Variants in PCDHGA4 observed in about 807,000 individuals in gnomAD.
The protein encoded by PCDHGA4 is protocadherin gamma-A4.
A neutral mutation model predicts 54.6 loss-of-function variants in PCDHGA4; 38 were observed. The observed-to-expected ratio is 0.70, with a 90% CI of 0.54 to 0.91. The LOEUF (loss-of-function observed/expected upper bound fraction) is 0.91, where lower values mean the gene tolerates loss of function less well. Ranked by LOEUF, PCDHGA4 falls within the 40% of genes least tolerant of loss-of-function variation. The pLI is 0.00. For synonymous variants in PCDHGA4, 511 were observed against 512.9 expected (o/e 1.00, Z 0.05); for missense variants, 1,298 against 1,220.9 (o/e 1.06, Z -0.94).
Position 141,356,286 on chromosome 5 carries a change from G to C in PCDHGA4, c.1179G>C (p.Pro393=). 6.4e-7 allele frequency: 1 copy of C among 1,556,442 alleles called. No homozygotes were observed. The highest frequency in any genetic ancestry group is 8.7e-7 in the Non-Finnish European group (1 of 1,149,558). The change falls in exon 1 of 4, where the codon CCG becomes CCC. Residue 393 remains proline, a synonymous_variant. Transcript: ENST00000571252. ...LTSSVQESSS[P]GTVIALFNVH... ...GCTCAGTCCAGGAATCTTCTTCCCCGGGTACAGTAATTGCACTTTTCAACG... is the reference window on the plus strand; with the variant it reads ...GCTCAGTCCAGGAATCTTCTTCCCCCGGTACAGTAATTGCACTTTTCAACG...
At position 141,398,050 on chromosome 5, in the gene PCDHGA4, T is replaced by C. The variant is rs558695876; in HGVS notation, c.2514+40429T>C. Reference sequence around the variant, plus strand: ...ACTGGAACTAAAGCCCGTTCGGAGATCCAAAAATCTACAATACAGAGGTTA... The same window carrying C: ...ACTGGAACTAAAGCCCGTTCGGAGACCCAAAAATCTACAATACAGAGGTTA... On this transcript the variant is annotated intron_variant, in intron 1 of 3. Coordinates refer to ENST00000571252, the MANE Select transcript of PCDHGA4 (RefSeq NM_018917.4). 12 of 1,510,524 alleles carry C rather than the reference T, an allele frequency of 7.9e-6. No individual in the cohort carries two copies. The African/African-American group carries it at 1.1e-4, about 14-fold the overall frequency. 93.6% of individuals were successfully genotyped at this position (1,510,524 alleles called of 1,614,324 possible). A position where few individuals can be genotyped will look rare whatever the true frequency, so the allele number is the denominator to read the frequency against.
In PCDHGA4 at chr5:141,371,907, G is replaced by T. The variant is rs776309698; in HGVS notation, c.2514+14286G>T. 9.3e-6 allele frequency: 15 copies of T among 1,613,262 alleles called. No individual in the cohort carries two copies. The highest frequency in any genetic ancestry group is 1.2e-5 in the Non-Finnish European group (14 of 1,179,916). On this transcript the variant is annotated intron_variant, in intron 1 of 3. Coordinates refer to ENST00000571252, the MANE Select transcript of PCDHGA4 (RefSeq NM_018917.4). ...GGAGCCGCGGGAGCTGTCGTCCTAC[G>T]TGTCCGTGAGCGCGCGGAGCGGGGT... is the stretch of plus-strand genomic sequence containing the variant.
chr5:141,423,327 A>C, intron 1 of PCDHGA4: 1 of 1,614,100 alleles, frequency 6.2e-7, no homozygotes, highest in Non-Finnish European at 8.5e-7. Context: ...CGGTGGCCGC[A>C]GTCTCCTGCA....
At chr5:141,473,102 C>T (rs1465515592) in intron 1 of PCDHGA4, among the ~76,000 whole-genome samples, 1 of 152,054 alleles carries the variant, frequency 6.6e-6, no homozygotes, top group Non-Finnish European at 1.5e-5. Flanking sequence ...AGTTGTATTA[C>T]CACACTTTAC....
At chr5:141,484,061 G>A (rs570687480) in intron 1 of PCDHGA4, among the ~76,000 whole-genome samples, 8 of 152,124 alleles carry the variant, frequency 5.3e-5, no homozygotes, top group Non-Finnish European at 1.0e-4. Context: ...CTGGGGCTAA[G>A]TGAAAAGCTT....
At chr5:141,383,193 G>C (rs911488617) in intron 1 of PCDHGA4, 1 of 1,614,066 alleles carries the variant, frequency 6.2e-7, no homozygotes, top group Non-Finnish European at 8.5e-7. Context: ...TCTGCGCTCA[G>C]AGTGCGCGGT....
intron 1 of PCDHGA4, chr5:141,428,269 C>T (rs1326212294): frequency 1.3e-6 from 1 of 777,738 alleles, no homozygotes; most frequent in Non-Finnish European, 2.2e-6. Flanking sequence ...CAGTCCTGTG[C>T]CCTCTGATTC....
intron 1 of PCDHGA4, chr5:141,428,122 G>A: frequency 6.2e-7 from 1 of 1,606,172 alleles, no homozygotes; most frequent in Non-Finnish European, 8.5e-7. Context: ...ATCGAGCCCG[G>A]GCTTTTCAGC....
At chr5:141,370,645 T>TA in intron 1 of PCDHGA4, 1 of 1,613,922 alleles carries the variant, frequency 6.2e-7, no homozygotes, top group Non-Finnish European at 8.5e-7. Flanking sequence ...AATGGGAACT[T>TA]ACTTGTGAGC....
At chr5:141,404,443 A>G in intron 1 of PCDHGA4, 1 of 1,613,468 alleles carries the variant, frequency 6.2e-7, no homozygotes, top group East Asian at 2.2e-5. Flanking sequence ...ATACCATCCA[A>G]GGGTCTCCTC....
chr5:141,399,522 C>T, intron 1 of PCDHGA4: 6 of 1,614,056 alleles, frequency 3.7e-6, no homozygotes, highest in Non-Finnish European at 5.1e-6. Flanking sequence ...CTCCTGGGGC[C>T]TCCATCGCGC....
chr5:141,478,372 G>A (rs778468803), intron 1 of PCDHGA4: 2 of 1,613,704 alleles, frequency 1.2e-6, no homozygotes, highest in Non-Finnish European at 8.5e-7. Flanking sequence ...GAGGCCTGAT[G>A]TCGCCGCACC....
chr5:141,364,467 G>T (rs776444046), intron 1 of PCDHGA4: 2 of 1,614,004 alleles, frequency 1.2e-6, no homozygotes, highest in Non-Finnish European at 1.7e-6. Context: ...TCCTTCGTCG[G>T]CAACATAGCC....
rs543657386 is a variant in PCDHGA4, at chr5:141,370,919, T to C, written c.2514+13298T>C. 135 of 1,613,966 alleles carry C rather than the reference T, an allele frequency of 8.4e-5. No homozygotes were observed. The South Asian group carries it at 1.4e-3, about 17-fold the overall frequency. On this transcript the variant is annotated intron_variant, in intron 1 of 3. Coordinates refer to ENST00000571252, the MANE Select transcript of PCDHGA4 (RefSeq NM_018917.4). ...TGCAGCAGTACTACCTCAGCCCTGA[T>C]CCGCACTTCTCTTTGATTCAGAAGG... is the stretch of plus-strand genomic sequence containing the variant.
chr5:141,404,278 G>T (rs780738049), intron 1 of PCDHGA4: 7 of 1,613,962 alleles, frequency 4.3e-6, no homozygotes, highest in Admixed American at 3.3e-5. Flanking sequence ...CCCTGCAAGT[G>T]ACTGACATCA....
Position 141,404,599 on chromosome 5 carries a change from A to G in PCDHGA4, c.2514+46978A>G. 2.5e-6 allele frequency: 4 copies of G among 1,613,988 alleles called. 1 individual carries two copies. In the East Asian group the frequency reaches 8.9e-5, roughly 36 times the overall value. ...CACTTAGCAGCAATGTGTCATTGAG[A>G]CTGTTTGTTTTGGACCAGAATGACA... is the stretch of plus-strand genomic sequence containing the variant. On this transcript the variant is annotated intron_variant, in intron 1 of 3. Coordinates refer to ENST00000571252, the MANE Select transcript of PCDHGA4 (RefSeq NM_018917.4).
At chr5:141,413,342 TG>T in intron 1 of PCDHGA4, 1 of 1,613,974 alleles carries the variant, frequency 6.2e-7, no homozygotes, top group South Asian at 1.1e-5. Flanking sequence ...TCCAAGGACT[TG>T]GGTCTGGCGC....
chr5:141,449,154 A>G (rs2098630387), intron 1 of PCDHGA4, among the ~76,000 whole-genome samples: 1 of 152,180 alleles, frequency 6.6e-6, no homozygotes, highest in African/African-American at 2.4e-5. Flanking sequence ...TGGGTCAAAG[A>G]GGAAATAGGT....
intron 1 of PCDHGA4, among the ~76,000 whole-genome samples, chr5:141,444,982 A>G (rs10066383): frequency 7.1e-4 from 108 of 152,272 alleles, no homozygotes; most frequent in African/African-American, 2.5e-3. Flanking sequence ...ATCCATGAAC[A>G]TGGTATATAT....
Sources: gnomAD v4.1 joint callset for allele counts (sites outside exome capture counted in the v4.1 genomes callset) on GRCh38, gnomAD v4.1.1 for gene constraint, MANE v1.5 for transcripts, NCBI Gene and HGNC (gene_info 2026-07-23, HGNC 2026-07-21) for gene names.